HS3ST5: variants seen among roughly 807,000 people sequenced by gnomAD.
HS3ST5 encodes heparan sulfate-glucosamine 3-sulfotransferase 5.
In HS3ST5, 10 loss-of-function variants were observed where a neutral mutation model predicts 25.4. The ratio of observed to expected loss-of-function variants is 0.39; its 90% CI spans 0.24 to 0.67. The LOEUF is 0.67. HS3ST5 is among the 30% of genes least tolerant of loss of function. The pLI, the probability that HS3ST5 is intolerant of heterozygous loss-of-function variation, is 0.44. For missense variants in HS3ST5, 324 were observed against 420.7 expected, an observed-to-expected ratio of 0.77 and a Z score of 2.01; for synonymous variants, 170 against 162.4, an observed-to-expected ratio of 1.05 and a Z score of -0.36.
intron 3 of HS3ST5, among the ~76,000 whole-genome samples, chr6:114,164,500 G>T (rs1779115660): frequency 6.6e-6 from 1 of 152,178 alleles, no homozygotes; most frequent in African/African-American, 2.4e-5. Context: ...ATTGATCATA[G>T]ATTCTCCATC....
chr6:114,277,152 T>C (rs2114723516), intron 1 of HS3ST5, among the ~76,000 whole-genome samples: 1 of 151,894 alleles, frequency 6.6e-6, no homozygotes, highest in Non-Finnish European at 1.5e-5. Context: ...TTTTTCAGGT[T>C]AACGTTTCAA....
intron 1 of HS3ST5, among the ~76,000 whole-genome samples, chr6:114,331,506 A>G (rs539989591): frequency 6.6e-6 from 1 of 152,320 alleles, no homozygotes; most frequent in South Asian, 2.1e-4. Flanking sequence ...CAGGAATCAT[A>G]TACAAGAAGT....
chr6:114,217,689 T>G (rs1184627556), intron 2 of HS3ST5, among the ~76,000 whole-genome samples: 1 of 152,228 alleles, frequency 6.6e-6, no homozygotes, highest in East Asian at 1.9e-4. Flanking sequence ...ATCTGCATTT[T>G]ACAGATGAGG....
rs572989795 is a variant in HS3ST5, at chr6:114,332,112, T to G, written c.-339+10083A>C. 1.8e-4 allele frequency among the ~76,000 whole-genome samples: 27 copies of G among 152,284 alleles called. 1 individual carries two copies. The highest frequency in any genetic ancestry group is 6.8e-3 in the Middle Eastern group (2 of 294). On this transcript the variant is annotated intron_variant, in intron 1 of 4. Transcript: ENST00000312719. The stretch of plus-strand genomic sequence containing the variant: ...TGAAAATAAAAATGGCCTAATTCTC[T>G]ATAGACTATTATTACAGAAATGGAG...
At chr6:114,257,541 G>A (rs911780269) in intron 1 of HS3ST5, among the ~76,000 whole-genome samples, 2 of 152,102 alleles carry the variant, frequency 1.3e-5, no homozygotes, top group Admixed American at 6.6e-5. Flanking sequence ...CTCTACTCCT[G>A]TTAGATAACA....
chr6:114,256,159 T>G (rs545528331), intron 1 of HS3ST5, among the ~76,000 whole-genome samples: 3 of 151,980 alleles, frequency 2.0e-5, no homozygotes, highest in Non-Finnish European at 4.4e-5. Context: ...GAGGCCAAGG[T>G]GGGCAGATCA....
chr6:114,205,340 A>G (rs1332298776), intron 2 of HS3ST5, among the ~76,000 whole-genome samples: 1 of 152,140 alleles, frequency 6.6e-6, no homozygotes, highest in Non-Finnish European at 1.5e-5. Context: ...TGTACTTACA[A>G]TAACCAGCCT....
intron 1 of HS3ST5, among the ~76,000 whole-genome samples, chr6:114,307,073 A>G (rs981514402): frequency 6.6e-6 from 1 of 152,212 alleles, no homozygotes; most frequent in Non-Finnish European, 1.5e-5. Flanking sequence ...CTTCCAAATC[A>G]TAATTAGAGA....
chr6:114,117,493 T>C lies in HS3ST5; in HGVS notation c.-33+50858A>G, dbSNP rs374645074. Among the ~76,000 whole-genome samples, 24 of 152,274 alleles carry C rather than the reference T, an allele frequency of 1.6e-4. No individual in the cohort carries two copies. In the South Asian group the frequency reaches 2.1e-3, roughly 13 times the overall value. ...GGGTAATACCCAGCTTACAAAGTTA[T>C]GGCAAGTCTCAGGTAAAATGATCCA... is the stretch of plus-strand genomic sequence containing the variant. On this transcript the variant is annotated intron_variant, in intron 3 of 4. Coordinates refer to ENST00000312719, the MANE Select transcript of HS3ST5 (RefSeq NM_153612.4).
At chr6:114,084,399 T>G in intron 3 of HS3ST5, 1 of 755,946 alleles carries the variant, frequency 1.3e-6, no homozygotes, top group Non-Finnish European at 2.4e-6. Flanking sequence ...TCACAGCATT[T>G]TCAGCAGCAG....
rs149819176 is a variant in HS3ST5, at chr6:114,152,081, C to T, written c.-33+16270G>A. Among the ~76,000 whole-genome samples, 622 of 152,130 alleles carry T rather than the reference C, an allele frequency of 4.1e-3. 4 individuals carry two copies. Among genetic ancestry groups the T allele is most frequent in the African/African-American group, 0.014 (592 of 41,508 alleles). On this transcript the variant is annotated intron_variant, in intron 3 of 4. Transcript: ENST00000312719. ...GGGTAGCTGGGACTACAGGCGCGTG[C>T]CACCATGCCCGGCGAATTTTTTAGT...
chr6:114,194,796 G>A (rs1323245909), intron 2 of HS3ST5, among the ~76,000 whole-genome samples: 1 of 152,182 alleles, frequency 6.6e-6, no homozygotes, highest in Non-Finnish European at 1.5e-5. Context: ...GAATATTTAT[G>A]ACTCCTCCTA....
chr6:114,059,594 A>C (rs764070597), intron 4 of HS3ST5: 6 of 152,042 alleles, frequency 3.9e-5, no homozygotes, highest in Non-Finnish European at 7.4e-5. Context: ...CCTTGTTTTC[A>C]TGATAGTGAG....
chr6:114,119,961 G>A (rs1476907854), intron 3 of HS3ST5, among the ~76,000 whole-genome samples: 8 of 151,916 alleles, frequency 5.3e-5, no homozygotes, highest in African/African-American at 1.7e-4. Context: ...CCTGGCCAAC[G>A]TGATGAAACC....
chr6:114,240,926 T>G (rs1383524862), intron 1 of HS3ST5, among the ~76,000 whole-genome samples: 4 of 152,180 alleles, frequency 2.6e-5, no homozygotes, highest in African/African-American at 9.7e-5. Context: ...CCTGCCATTT[T>G]GCCCAAGGAA....
At position 114,339,427 on chromosome 6, in the gene HS3ST5, C is replaced by A. The variant is rs115112757; in HGVS notation, c.-339+2768G>T. 8.8e-3 allele frequency among the ~76,000 whole-genome samples: 1,343 copies of A among 152,212 alleles called. 24 individuals carry two copies. Among genetic ancestry groups the A allele is most frequent in the African/African-American group, 0.031 (1,286 of 41,524 alleles). The stretch of plus-strand genomic sequence containing the variant: ...AGACATTTCCCCTTTTCTAAAAAAT[C>A]CTAAATAACTACTTTTGTTAACTTG... On this transcript the variant is annotated intron_variant, in intron 1 of 4. Transcript: ENST00000312719.
chr6:114,149,018 A>G (rs1266269090), intron 3 of HS3ST5, among the ~76,000 whole-genome samples: 1 of 152,244 alleles, frequency 6.6e-6, no homozygotes, highest in East Asian at 1.9e-4. Flanking sequence ...ATGCAAATCA[A>G]AACCACAGTG....
intron 1 of HS3ST5, among the ~76,000 whole-genome samples, chr6:114,332,727 T>C (rs1776453483): frequency 6.6e-6 from 1 of 152,080 alleles, no homozygotes; most frequent in African/African-American, 2.4e-5. Context: ...AGCAGAAAGA[T>C]AGCCCATCCT....
At chr6:114,124,412 T>G (rs1286352563) in intron 3 of HS3ST5, among the ~76,000 whole-genome samples, 1 of 152,316 alleles carries the variant, frequency 6.6e-6, no homozygotes, top group Non-Finnish European at 1.5e-5. Context: ...CTATAGCTTC[T>G]TATTCTACAG....
Sources: gnomAD v4.1 joint callset for allele counts (sites outside exome capture counted in the v4.1 genomes callset) on GRCh38, gnomAD v4.1.1 for gene constraint, MANE v1.5 for transcripts, NCBI Gene and HGNC (gene_info 2026-07-23, HGNC 2026-07-21) for gene names.